The following MAN1A2 variants were observed in gnomAD, a reference collection of about 807,000 sequenced individuals.
The protein encoded by MAN1A2 is mannosyl-oligosaccharide 1,2-alpha-mannosidase IB.
MAN1A2 carries 26 observed loss-of-function variants against 75.7 expected under a neutral mutation model. The ratio of observed to expected loss-of-function variants is 0.34; its 90% CI spans 0.25 to 0.48. The LOEUF is 0.48. MAN1A2 is among the 20% of genes least tolerant of loss of function. The pLI, the probability that MAN1A2 is intolerant of heterozygous loss-of-function variation, is 0.99. For synonymous variants in MAN1A2, 247 were observed against 264.6 expected (o/e 0.93, Z 0.65); for missense variants, 562 against 775.5 (o/e 0.72, Z 3.27).
intron 1 of MAN1A2, among the ~76,000 whole-genome samples, chr1:117,400,629 T>C (rs1206942916): frequency 6.6e-6 from 1 of 152,150 alleles, no homozygotes; most frequent in Non-Finnish European, 1.5e-5. Context: ...TGAAATTGGC[T>C]TCTTTCACTC....
intron 1 of MAN1A2, among the ~76,000 whole-genome samples, chr1:117,398,538 G>A (rs1647292949): frequency 6.6e-6 from 1 of 152,116 alleles, no homozygotes; most frequent in Admixed American, 6.5e-5. Context: ...GCCAGGCGTG[G>A]TGGCGTGTGC....
Position 117,523,034 on chromosome 1 carries a change from C to T in MAN1A2, c.*77C>T, listed in dbSNP as rs1570811489. 3.3e-6 allele frequency: 5 copies of T among 1,531,430 alleles called. No homozygotes were observed. In the East Asian group the frequency reaches 1.1e-4, roughly 34 times the overall value. 94.9% of individuals were successfully genotyped at this position (1,531,430 alleles called of 1,614,324 possible). ...TACAGAAATTAGTTTGAAGGGGCGG[C>T]TTTTGAAAACCTGGACCTCTATGTC... On this transcript the variant is annotated 3_prime_UTR_variant, in exon 13 of 13. Coordinates refer to ENST00000356554, the MANE Select transcript of MAN1A2 (RefSeq NM_006699.5).
intron 1 of MAN1A2, among the ~76,000 whole-genome samples, chr1:117,385,569 A>G (rs1011073109): frequency 2.0e-5 from 3 of 151,910 alleles, no homozygotes; most frequent in Non-Finnish European, 4.4e-5. Flanking sequence ...TATGTTCTGT[A>G]TTGTTTGACT....
At chr1:117,390,265 G>A (rs1279815571) in intron 1 of MAN1A2, among the ~76,000 whole-genome samples, 1 of 151,750 alleles carries the variant, frequency 6.6e-6, no homozygotes, top group African/African-American at 2.4e-5. Context: ...CTGAACTGGA[G>A]TTTTCTTTGT....
At chr1:117,474,287 C>G (rs1557965517) in intron 8 of MAN1A2, among the ~76,000 whole-genome samples, 1 of 151,904 alleles carries the variant, frequency 6.6e-6, no homozygotes, top group African/African-American at 2.4e-5. Context: ...CATTTACATA[C>G]AGAGTCAACT....
chr1:117,523,325 C>A lies in MAN1A2; in HGVS notation c.*368C>A. 2.1e-6 allele frequency: 1 copy of A among 474,508 alleles called. No homozygotes were observed. Among genetic ancestry groups the A allele is most frequent in the Admixed American group, 2.4e-5 (1 of 41,598 alleles). 29.4% of individuals were successfully genotyped at this position (474,508 alleles called of 1,614,324 possible). A position where few individuals can be genotyped will look rare whatever the true frequency, so the allele number is the denominator to read the frequency against. On this transcript the variant is annotated 3_prime_UTR_variant, in exon 13 of 13. Coordinates refer to ENST00000356554, the MANE Select transcript of MAN1A2 (RefSeq NM_006699.5). ...AGCACCTTGCAGGAGTTCAAGATGG[C>A]CTTTGGAACCAATTATGTATTTGTT...
rs1181512829 is a variant in MAN1A2 at position 117,523,319 on chromosome 1, A to G, written c.*362A>G. On this transcript the variant is annotated 3_prime_UTR_variant, in exon 13 of 13. Transcript: ENST00000356554. Reference sequence around the variant, plus strand: ...ATATAGAGCACCTTGCAGGAGTTCAAGATGGCCTTTGGAACCAATTATGTA... The same window carrying G: ...ATATAGAGCACCTTGCAGGAGTTCAGGATGGCCTTTGGAACCAATTATGTA... 2 of 480,350 alleles carry G rather than the reference A, an allele frequency of 4.2e-6. No homozygotes were observed. Among genetic ancestry groups the G allele is most frequent in the Non-Finnish European group, 4.3e-6 (1 of 234,818 alleles). 29.8% of individuals were successfully genotyped at this position (480,350 alleles called of 1,614,324 possible).
chr1:117,465,242 A>T (rs1204628823), intron 7 of MAN1A2, among the ~76,000 whole-genome samples: 2 of 152,184 alleles, frequency 1.3e-5, no homozygotes, highest in African/African-American at 2.4e-5. Context: ...ATAAAAGGAG[A>T]CAGAAAGAAA....
rs994192378 is a variant in MAN1A2 at position 117,454,461 on chromosome 1, G to A, written c.951-6028G>A. Among the ~76,000 whole-genome samples the A allele has an allele frequency of 4.6e-5, 7 of 152,136 alleles. No homozygotes were observed. In the East Asian group the frequency reaches 7.7e-4, roughly 17 times the overall value. ...AAGCAATACAATCCAGAAAACAATC[G>A]AATCCATCTTGAAAGTGTTGAAAGA... On this transcript the variant is annotated intron_variant, in intron 6 of 12. Coordinates refer to ENST00000356554, the MANE Select transcript of MAN1A2 (RefSeq NM_006699.5).
rs554758850 is a variant in MAN1A2, at chr1:117,420,506, A to G, written c.775-63A>G. 9.7e-5 allele frequency: 114 copies of G among 1,171,364 alleles called. 1 individual carries two copies. The South Asian group carries it at 1.2e-3, about 12-fold the overall frequency. The allele number at this position is 1,171,364 out of a possible 1,614,324, so 72.6% of individuals were successfully genotyped here. On this transcript the variant is annotated intron_variant, in intron 4 of 12. Transcript: ENST00000356554. ...TTTGTGAAAAACAAATGAAGTATTG[A>G]TAATATTTTGAAAACTATAAAGCAT...
At chr1:117,399,961 G>T (rs979898061) in intron 1 of MAN1A2, among the ~76,000 whole-genome samples, 1 of 152,162 alleles carries the variant, frequency 6.6e-6, no homozygotes, top group Admixed American at 6.5e-5. Context: ...GTTCTCTGGG[G>T]TTAGTAGTAC....
intron 1 of MAN1A2, among the ~76,000 whole-genome samples, chr1:117,375,917 T>G (rs2101718956): frequency 6.7e-6 from 1 of 149,924 alleles, no homozygotes; most frequent in East Asian, 2.0e-4. Flanking sequence ...TAATTTATGT[T>G]TTTTTTTTTT....
At chr1:117,522,097 A>G (rs1295980328) in intron 12 of MAN1A2, among the ~76,000 whole-genome samples, 1 of 151,766 alleles carries the variant, frequency 6.6e-6, no homozygotes, top group Non-Finnish European at 1.5e-5. Context: ...TGCTTAGGTT[A>G]TGGGTGCACC....
At chr1:117,370,525 C>T (rs1463365967) in intron 1 of MAN1A2, among the ~76,000 whole-genome samples, 2 of 151,774 alleles carry the variant, frequency 1.3e-5, no homozygotes, top group African/African-American at 2.4e-5. Flanking sequence ...TAGTAATAAA[C>T]TTTCTTTTAC....
intron 5 of MAN1A2, among the ~76,000 whole-genome samples, chr1:117,432,905 T>C (rs1035499586): frequency 2.0e-5 from 3 of 148,382 alleles, no homozygotes; most frequent in Non-Finnish European, 3.0e-5. Flanking sequence ...TATATAAGAA[T>C]ATAAAAGATA....
chr1:117,492,636 G>T (rs1391045572), intron 8 of MAN1A2, among the ~76,000 whole-genome samples: 1 of 151,960 alleles, frequency 6.6e-6, no homozygotes, highest in Non-Finnish European at 1.5e-5. Context: ...TATACAAGGT[G>T]ATATTATAAA....
intron 5 of MAN1A2, among the ~76,000 whole-genome samples, chr1:117,425,374 G>GAC (rs1313356869): frequency 6.6e-6 from 1 of 152,106 alleles, no homozygotes; most frequent in Non-Finnish European, 1.5e-5. Flanking sequence ...AATCCTATGT[G>GAC]ACACACACAC....
At chr1:117,414,166 T>C (rs540326795) in intron 3 of MAN1A2, among the ~76,000 whole-genome samples, 1 of 151,992 alleles carries the variant, frequency 6.6e-6, no homozygotes, top group Non-Finnish European at 1.5e-5. Flanking sequence ...CAATTTGATC[T>C]ACCTGCTTGT....
At position 117,410,401 on chromosome 1, in the gene MAN1A2, C is replaced by T. The variant is rs368322748; in HGVS notation, c.656-4312C>T. Among the ~76,000 whole-genome samples, 10 of 151,730 alleles carry T rather than the reference C, an allele frequency of 6.6e-5. No individual in the cohort carries two copies. In the South Asian group the frequency reaches 2.1e-3, roughly 31 times the overall value. ...AACATCCATCGATGATAAAAACTGT[C>T]AGCACACTAAACTAAAAAGGGGATT... On this transcript the variant is annotated intron_variant, in intron 3 of 12. Transcript: ENST00000356554.
Sources: allele counts gnomAD v4.1 joint callset (sites outside exome capture counted in the v4.1 genomes callset), GRCh38; gene constraint gnomAD v4.1.1; transcripts MANE v1.5; gene names NCBI Gene and HGNC (gene_info 2026-07-23, HGNC 2026-07-21).